FKBP9: variants seen among roughly 807,000 people sequenced by gnomAD.
FKBP9 encodes peptidyl-prolyl cis-trans isomerase FKBP9.
Under a neutral mutation model 55.6 loss-of-function variants are expected in FKBP9, and 27 were observed. That is an observed-to-expected ratio of 0.49 (90% CI 0.36 to 0.67). FKBP9 has a LOEUF of 0.67. FKBP9 is among the 30% of genes least tolerant of loss of function. The pLI, the probability that FKBP9 is intolerant of heterozygous loss-of-function variation, is 0.00. For synonymous variants in FKBP9, 267 were observed against 296.5 expected, an observed-to-expected ratio of 0.90 and a Z score of 1.02; for missense variants, 539 against 742.8, an observed-to-expected ratio of 0.73 and a Z score of 3.19.
intron 1 of FKBP9, among the ~76,000 whole-genome samples, chr7:32,958,171 C>G (rs1422099254): frequency 6.6e-6 from 1 of 152,190 alleles, no homozygotes; most frequent in Non-Finnish European, 1.5e-5. Context: ...CTCTCTTCGC[C>G]CTTTCCTGTT....
intron 5 of FKBP9, among the ~76,000 whole-genome samples, chr7:32,985,362 T>C (rs1784556434): frequency 6.6e-6 from 1 of 151,524 alleles, no homozygotes; most frequent in Non-Finnish European, 1.5e-5. Flanking sequence ...GTATTTTTAG[T>C]AGAGATGGGG....
intron 6 of FKBP9, among the ~76,000 whole-genome samples, chr7:32,990,637 CT>C (rs1210848122): frequency 6.6e-6 from 1 of 152,244 alleles, no homozygotes; most frequent in Non-Finnish European, 1.5e-5. Flanking sequence ...TGATTTCTCT[CT>C]TCACCTAATT....
At chr7:32,976,053 G>A (rs1357637101) in intron 3 of FKBP9, among the ~76,000 whole-genome samples, 1 of 152,208 alleles carries the variant, frequency 6.6e-6, no homozygotes, top group Non-Finnish European at 1.5e-5. Flanking sequence ...CTATGGAGAG[G>A]CATGGGGCTA....
chr7:32,990,184 T>C (rs1376115955), intron 6 of FKBP9, among the ~76,000 whole-genome samples: 1 of 152,132 alleles, frequency 6.6e-6, no homozygotes, highest in African/African-American at 2.4e-5. Flanking sequence ...GATCTTGAGA[T>C]AGGAATAGTA....
intron 6 of FKBP9, chr7:32,992,582 G>A (rs1485659590): frequency 5.6e-6 from 1 of 179,548 alleles, no homozygotes; most frequent in Admixed American, 6.3e-5. Flanking sequence ...CCGTTTGCTG[G>A]TCAGCACTCA....
chr7:32,999,644 A>T (rs977106381), intron 7 of FKBP9, among the ~76,000 whole-genome samples: 6 of 152,230 alleles, frequency 3.9e-5, no homozygotes, highest in Non-Finnish European at 7.3e-5. Context: ...TCTCCGTTTC[A>T]TAGATAAAGT....
At chr7:32,996,443 G>A (rs553885565) in intron 7 of FKBP9, 94 bp downstream of exon 7, 2 of 736,062 alleles carry the variant, frequency 2.7e-6, no homozygotes, top group East Asian at 5.4e-5. Flanking sequence ...CTGGTTGAGA[G>A]CTTTTATCTC....
intron 5 of FKBP9, among the ~76,000 whole-genome samples, chr7:32,981,295 A>G (rs1784471252): frequency 6.6e-6 from 1 of 152,216 alleles, no homozygotes; most frequent in Non-Finnish European, 1.5e-5. Flanking sequence ...AGTGCTTTAC[A>G]AATTTCAGAG....
Position 32,984,200 on chromosome 7 carries a change from A to C in FKBP9, c.893+3647A>C, listed in dbSNP as rs62467435. 5.8e-3 allele frequency among the ~76,000 whole-genome samples: 881 copies of C among 151,454 alleles called. 5 individuals carry two copies. Among genetic ancestry groups the C allele is most frequent in the Non-Finnish European group, 7.9e-3 (539 of 67,898 alleles). ...ATGGTTTTTTTTTCTATTCTTTAAG[A>C]TATTCTTTATTAGAATTTTTATTTT... On this transcript the variant is annotated intron_variant, in intron 5 of 9. Coordinates refer to ENST00000242209, the MANE Select transcript of FKBP9 (RefSeq NM_007270.5).
chr7:32,992,556 G>C (rs563546287), intron 6 of FKBP9, among the ~76,000 whole-genome samples: 1 of 152,358 alleles, frequency 6.6e-6, no homozygotes, highest in South Asian at 2.1e-4. Context: ...TTGGAGCCAC[G>C]TTGGACTATT....
chr7:32,958,317 T>C (rs1783946223), intron 1 of FKBP9, among the ~76,000 whole-genome samples: 1 of 152,246 alleles, frequency 6.6e-6, no homozygotes, highest in African/African-American at 2.4e-5. Context: ...TTCCATATTG[T>C]AGTGAACTCA....
At chr7:32,961,067 G>A (rs1300587756) in intron 1 of FKBP9, among the ~76,000 whole-genome samples, 1 of 152,218 alleles carries the variant, frequency 6.6e-6, no homozygotes, top group Non-Finnish European at 1.5e-5. Flanking sequence ...TCTATGGTCT[G>A]TAGTCCACCC....
intron 1 of FKBP9, among the ~76,000 whole-genome samples, chr7:32,966,190 CA>C (rs60022113): frequency 3.9e-4 from 30 of 77,186 alleles, no homozygotes; most frequent in Admixed American, 4.4e-4. Flanking sequence ...GACGCCATCT[CA>C]AAAAAAAAAA....
chr7:33,000,154 T>C lies in FKBP9; in HGVS notation c.1266T>C (p.Ser422=). The change falls in exon 8 of 10, where the codon TCT becomes TCC. Residue 422 remains serine, a synonymous_variant. Transcript: ENST00000242209. The part of the protein sequence containing the change: ...LGKTYNIVLG[S]GQVVLGMDMG... The stretch of plus-strand genomic sequence containing the variant: ...AAACTTACAATATTGTTCTGGGATC[T>C]GGGCAAGTTGTGTTGGGGATGGACA... 6.2e-7 allele frequency: 1 copy of C among 1,614,072 alleles called. No homozygotes were observed.
chr7:33,002,985 C>T (rs1784961373), intron 9 of FKBP9, 146 bp downstream of exon 9: 10 of 690,340 alleles, frequency 1.4e-5, no homozygotes, highest in South Asian at 7.7e-5. Context: ...ACTTGTGTGC[C>T]AAGCGCTTTT....
intron 4 of FKBP9, among the ~76,000 whole-genome samples, chr7:32,977,990 C>T (rs1398247917): frequency 1.3e-4 from 19 of 148,256 alleles, no homozygotes; most frequent in South Asian, 4.2e-4. Flanking sequence ...GGTGCGATCT[C>T]GGCTCACTGC....
chr7:32,963,774 A>G, intron 1 of FKBP9: 1 of 1,279,326 alleles, frequency 7.8e-7, no homozygotes, highest in Non-Finnish European at 9.9e-7. Context: ...AGAGTGCTCC[A>G]ATAAGCTCCC....
At chr7:32,984,281 T>C (rs1189229995) in intron 5 of FKBP9, among the ~76,000 whole-genome samples, 1 of 152,102 alleles carries the variant, frequency 6.6e-6, no homozygotes, top group Non-Finnish European at 1.5e-5. Context: ...CTGCCCAGGC[T>C]GGAGTGCAGT....
chr7:32,981,123 G>T (rs547175519), intron 5 of FKBP9, among the ~76,000 whole-genome samples: 374 of 150,574 alleles, frequency 2.5e-3, no homozygotes, highest in Non-Finnish European at 4.2e-3. Flanking sequence ...ACAGTGGGCA[G>T]AGAATGGGCT....
Sources: gnomAD v4.1 joint callset for allele counts (sites outside exome capture counted in the v4.1 genomes callset) on GRCh38, gnomAD v4.1.1 for gene constraint, MANE v1.5 for transcripts, NCBI Gene and HGNC (gene_info 2026-07-23, HGNC 2026-07-21) for gene names.